MANBA: variants seen among roughly 807,000 people sequenced by gnomAD.
The protein encoded by MANBA is mannosidase beta, also known as beta-mannosidase.
In MANBA, 83 loss-of-function variants were observed where a neutral mutation model predicts 111.1. That is an observed-to-expected ratio of 0.75 (90% CI 0.63 to 0.90). The LOEUF is 0.90. MANBA is among the 40% of genes least tolerant of loss of function. The probability of loss-of-function intolerance (pLI) is 0.00; values close to 1 mark genes in which losing one functional copy is unlikely to be tolerated. For synonymous variants in MANBA, 370 were observed against 378.7 expected (o/e 0.98, Z 0.27); for missense variants, 1,036 against 1,069.0 (o/e 0.97, Z 0.43).
At chr4:102,633,786 C>G (rs375122909) in intron 16 of MANBA, among the ~76,000 whole-genome samples, 1 of 149,810 alleles carries the variant, frequency 6.7e-6, no homozygotes, top group Non-Finnish European at 1.5e-5. Flanking sequence ...TTTTTTTTTT[C>G]TTTTTTGGAA....
At chr4:102,718,479 GA>G (rs1186255965) in intron 4 of MANBA, among the ~76,000 whole-genome samples, 1 of 152,184 alleles carries the variant, frequency 6.6e-6, no homozygotes, top group Non-Finnish European at 1.5e-5. Context: ...TAACTTTTAG[GA>G]GAACAAGGAT....
Position 102,749,325 on chromosome 4 carries a change from A to T in MANBA, c.177+11393T>A, listed in dbSNP as rs539928952. Among the ~76,000 whole-genome samples the T allele has an allele frequency of 1.7e-3, 256 of 152,354 alleles. No individual in the cohort carries two copies. In the Middle Eastern group the frequency reaches 0.017, roughly 10 times the overall value. On this transcript the variant is annotated intron_variant, in intron 1 of 16. Transcript: ENST00000647097. ...ATCAAGTGAGATGTGGTGGTTAGAC[A>T]CAAGCATTTCAGCAATTGTGGCACA...
intron 1 of MANBA, chr4:102,729,070 T>C (rs2110197947): frequency 2.6e-6 from 2 of 777,448 alleles, no homozygotes; most frequent in South Asian, 1.3e-5. Context: ...GCAGTTGCCA[T>C]GCCATGTCCT....
rs536528652 is a variant in MANBA at position 102,650,646 on chromosome 4, T to C, written c.1760A>G (p.His587Arg). The C allele has an allele frequency of 1.2e-6, 2 of 1,613,422 alleles. No individual in the cohort carries two copies. The highest frequency in any genetic ancestry group is 4.5e-5 in the East Asian group (2 of 44,868). ...CATTTGTTTGTTACCACCTTCGTGA[T>C]GTTGTCGATGAAGTGAAAACTTGCT... ...FNSKFSLHRQ[H>R]HEGGNKQMLY... The change falls in exon 13 of 17, where the codon CAT (histidine) becomes CGT (arginine). Residue 587 changes from histidine to arginine, a missense_variant. Physicochemically the swap from His to Arg is conservative, Grantham distance 29. Coordinates refer to ENST00000647097, the MANE Select transcript of MANBA (RefSeq NM_005908.4).
intron 5 of MANBA, among the ~76,000 whole-genome samples, chr4:102,711,209 G>A (rs912289636): frequency 6.6e-6 from 1 of 152,114 alleles, no homozygotes; most frequent in Non-Finnish European, 1.5e-5. Flanking sequence ...AATATTTGCA[G>A]ACTATTCATT....
chr4:102,700,004 G>A (rs1238486853), intron 5 of MANBA, among the ~76,000 whole-genome samples: 1 of 151,798 alleles, frequency 6.6e-6, no homozygotes, highest in Admixed American at 6.6e-5. Context: ...CTTTTTGGTT[G>A]GTAAGCTATT....
intron 1 of MANBA, among the ~76,000 whole-genome samples, chr4:102,736,294 C>T (rs1488260420): frequency 6.6e-6 from 1 of 152,170 alleles, no homozygotes; most frequent in East Asian, 1.9e-4. Flanking sequence ...GCCGTGTGTG[C>T]CTCGGCTAGT....
At chr4:102,732,745 A>G (rs1232313531) in intron 1 of MANBA, among the ~76,000 whole-genome samples, 1 of 152,224 alleles carries the variant, frequency 6.6e-6, no homozygotes, top group Non-Finnish European at 1.5e-5. Context: ...CGGCCTCTCC[A>G]ATGAACAAAC....
chr4:102,715,704 T>C (rs1722293345), intron 4 of MANBA, among the ~76,000 whole-genome samples: 1 of 152,202 alleles, frequency 6.6e-6, no homozygotes, highest in Admixed American at 6.5e-5. Context: ...TGTCCATGTG[T>C]TCTCATCAAT....
At chr4:102,751,908 T>G in intron 1 of MANBA, 1 of 622,728 alleles carries the variant, frequency 1.6e-6, no homozygotes, top group Non-Finnish European at 3.1e-6. Context: ...TATTCTCTTA[T>G]GGGAGTGGAA....
At position 102,722,985 on chromosome 4, in the gene MANBA, C is replaced by A. The variant is rs142421587; in HGVS notation, c.435G>T (p.Gln145His). ...RDVNSIELRF[Q>H]SAVLYAAQQS... is the part of the protein sequence containing the mutation. ...GCTGTGCTGCATACAACACCGCTGA[C>A]TGGAAACGCAGCTCAATGGAGTTCA... Residue 145 changes from glutamine (Q) to histidine (H), a missense_variant, in exon 4 of 17, where the codon CAG becomes CAT. Gln to His is a conservative substitution (Grantham distance 24, BLOSUM62 0). Transcript: ENST00000647097. 6.8e-6 allele frequency: 11 copies of A among 1,614,120 alleles called. No individual in the cohort carries two copies. The highest frequency in any genetic ancestry group is 9.3e-6 in the Non-Finnish European group (11 of 1,179,994).
chr4:102,677,318 A>T (rs1360572985), intron 7 of MANBA, among the ~76,000 whole-genome samples: 1 of 152,184 alleles, frequency 6.6e-6, no homozygotes, highest in South Asian at 2.1e-4. Flanking sequence ...ATTAGGGAAA[A>T]CTTGTATCTA....
chr4:102,711,738 A>C (rs145806543), intron 5 of MANBA, among the ~76,000 whole-genome samples: 190 of 152,336 alleles, frequency 1.2e-3, no homozygotes, highest in African/African-American at 4.4e-3. Context: ...TGGCTAAAAA[A>C]GAATAAAATC....
chr4:102,697,354 TA>T (rs1324236669), intron 5 of MANBA, among the ~76,000 whole-genome samples: 23 of 152,100 alleles, frequency 1.5e-4, no homozygotes, highest in African/African-American at 3.1e-4. Flanking sequence ...TATTTTATTT[TA>T]TTTTTTTATT....
At chr4:102,727,622 T>A (rs890924876) in intron 1 of MANBA, 2 of 1,548,408 alleles carry the variant, frequency 1.3e-6, no homozygotes, top group Admixed American at 1.7e-5. Flanking sequence ...CCAGTGCCCA[T>A]GTTGTTGTAT....
chr4:102,670,779 C>T (rs1731458717), intron 9 of MANBA: 1 of 152,562 alleles, frequency 6.6e-6, no homozygotes, highest in Admixed American at 6.5e-5. Context: ...GCAGGAGAAT[C>T]GCTTGAACCT....
chr4:102,730,004 C>T (rs948104218), intron 1 of MANBA: 9 of 846,316 alleles, frequency 1.1e-5, no homozygotes, highest in Non-Finnish European at 1.6e-5. Context: ...CGCTGCTGCC[C>T]TCACCATAGC....
intron 1 of MANBA, chr4:102,752,632 G>C: frequency 1.7e-6 from 1 of 585,364 alleles, no homozygotes. Context: ...CTTTCCATGT[G>C]GGGGCATGAA....
At chr4:102,754,526 T>C (rs931716800) in intron 1 of MANBA, among the ~76,000 whole-genome samples, 5 of 152,066 alleles carry the variant, frequency 3.3e-5, no homozygotes, top group African/African-American at 1.2e-4. Flanking sequence ...ATACATTAAA[T>C]GTGAAAGAGT....
Sources: gnomAD v4.1 joint callset for allele counts (sites outside exome capture counted in the v4.1 genomes callset) on GRCh38, gnomAD v4.1.1 for gene constraint, MANE v1.5 for transcripts, NCBI Gene and HGNC (gene_info 2026-07-23, HGNC 2026-07-21) for gene names.